Variants in SORCS2 observed in about 807,000 individuals in gnomAD.
SORCS2 encodes the protein VPS10 domain-containing receptor SorCS2.
SORCS2 carries 100 observed loss-of-function variants against 141.6 expected under a neutral mutation model. That is an observed-to-expected ratio of 0.71 (90% CI 0.60 to 0.83). The LOEUF (loss-of-function observed/expected upper bound fraction) is 0.83. Among genes scored for constraint, SORCS2 ranks in the 40% least tolerant of loss-of-function variants. SORCS2 has a pLI of 0.00. For missense variants in SORCS2, 1,646 were observed against 1,560.2 expected (o/e 1.05, Z -0.93); for synonymous variants, 789 against 676.9 (o/e 1.17, Z -2.57).
At chr4:7,731,839 A>G (rs1274431983) in intron 23 of SORCS2, among the ~76,000 whole-genome samples, 1 of 152,246 alleles carries the variant, frequency 6.6e-6, no homozygotes, top group Non-Finnish European at 1.5e-5. Context: ...TAAGACCTGA[A>G]TCTGTAAAAA....
chr4:7,417,459 A>G (rs1725773598), intron 2 of SORCS2, among the ~76,000 whole-genome samples: 1 of 152,186 alleles, frequency 6.6e-6, no homozygotes, highest in Non-Finnish European at 1.5e-5. Context: ...TGGGGGTAGA[A>G]GCTAGTGTTT....
In SORCS2 at chr4:7,215,786, C is replaced by T. The variant is rs781175831; in HGVS notation, c.480+22660C>T. ...GTGGGGTCTTGGAGAACCTGTGTGT[C>T]GAAACTGTGTATCTAACTAATCTGA... On this transcript the variant is annotated intron_variant, in intron 1 of 26. Coordinates refer to ENST00000507866, the MANE Select transcript of SORCS2 (RefSeq NM_020777.3). Among the ~76,000 whole-genome samples, 15 of 152,042 alleles carry T rather than the reference C, an allele frequency of 9.9e-5. No homozygotes were observed. The South Asian group carries it at 1.2e-3, about 13-fold the overall frequency.
chr4:7,734,455 C>T (rs1207565685), intron 25 of SORCS2, 81 bp downstream of exon 25: 2 of 981,638 alleles, frequency 2.0e-6, no homozygotes, highest in African/African-American at 1.7e-5. Flanking sequence ...TCAGGCAGAT[C>T]TAGAAAGGGC....
chr4:7,736,549 G>C (rs538977729), intron 25 of SORCS2, among the ~76,000 whole-genome samples: 4 of 152,174 alleles, frequency 2.6e-5, no homozygotes, highest in African/African-American at 9.7e-5. Context: ...GGCGGGTCCT[G>C]AGCCGGGTCC....
chr4:7,555,098 G>A (rs552276438), intron 3 of SORCS2, among the ~76,000 whole-genome samples: 3 of 152,304 alleles, frequency 2.0e-5, no homozygotes, highest in Admixed American at 6.5e-5. Flanking sequence ...TCTGGATACT[G>A]GAGTTCAGGT....
chr4:7,709,781 C>G (rs1725704568), intron 14 of SORCS2, among the ~76,000 whole-genome samples: 1 of 152,220 alleles, frequency 6.6e-6, no homozygotes, highest in Admixed American at 6.5e-5. Flanking sequence ...GGACACTTTC[C>G]TGGCACCAGT....
chr4:7,618,593 A>C (rs1252486210), intron 3 of SORCS2, among the ~76,000 whole-genome samples: 1 of 151,978 alleles, frequency 6.6e-6, no homozygotes, highest in African/African-American at 2.4e-5. Flanking sequence ...GGTTTCTCCA[A>C]ACGCCAAGTT....
chr4:7,296,338 C>A (rs1012663519), intron 1 of SORCS2, among the ~76,000 whole-genome samples: 1 of 152,214 alleles, frequency 6.6e-6, no homozygotes, highest in African/African-American at 2.4e-5. Flanking sequence ...CTCGTGTTAG[C>A]GGGCAGGCTC....
chr4:7,543,471 C>G (rs142576064), intron 3 of SORCS2, among the ~76,000 whole-genome samples: 6 of 136,620 alleles, frequency 4.4e-5, no homozygotes, highest in Non-Finnish European at 6.4e-5. Context: ...ATCCACCCAC[C>G]CATCCATTCA....
Position 7,672,354 on chromosome 4 carries a change from G to A in SORCS2, c.1162-3696G>A, listed in dbSNP as rs190859714. On this transcript the variant is annotated intron_variant, in intron 8 of 26. Transcript: ENST00000507866. ...CAACAGATGTCTCATCAGGAACCCCGGAGTTCAGAAGGCAGCGAGCTGATA... is the reference window on the plus strand; with the variant it reads ...CAACAGATGTCTCATCAGGAACCCCAGAGTTCAGAAGGCAGCGAGCTGATA... 4.7e-3 allele frequency among the ~76,000 whole-genome samples: 711 copies of A among 152,246 alleles called. 7 individuals are homozygous for A. Among genetic ancestry groups the A allele is most frequent in the Non-Finnish European group, 7.5e-3 (508 of 68,026 alleles).
intron 1 of SORCS2, among the ~76,000 whole-genome samples, chr4:7,325,548 G>C (rs868675333): frequency 6.6e-6 from 1 of 152,190 alleles, no homozygotes; most frequent in Non-Finnish European, 1.5e-5. Context: ...CACCCTAAGG[G>C]CCTAAATGGG....
chr4:7,632,392 C>A (rs1188215537), intron 3 of SORCS2, among the ~76,000 whole-genome samples: 1 of 152,170 alleles, frequency 6.6e-6, no homozygotes, highest in Non-Finnish European at 1.5e-5. Flanking sequence ...GGCTGCTGCC[C>A]AATTTGGAGG....
At chr4:7,307,432 T>G (rs1717904155) in intron 1 of SORCS2, among the ~76,000 whole-genome samples, 2 of 152,162 alleles carry the variant, frequency 1.3e-5, no homozygotes, top group African/African-American at 4.8e-5. Context: ...CAGGCCAGGG[T>G]CCACAGGGGA....
chr4:7,652,088 C>T (rs999343688), intron 4 of SORCS2, among the ~76,000 whole-genome samples: 1 of 152,134 alleles, frequency 6.6e-6, no homozygotes, highest in African/African-American at 2.4e-5. Context: ...GAAGTCCCAC[C>T]CCCTGGCATG....
At chr4:7,718,293 G>A in intron 18 of SORCS2, 110 bp downstream of exon 18, 1 of 1,279,086 alleles carries the variant, frequency 7.8e-7, no homozygotes, top group Non-Finnish European at 1.1e-6. Context: ...AGTGGCTCAG[G>A]GCATCGTCAT....
At chr4:7,626,610 C>G (rs142666694) in intron 3 of SORCS2, among the ~76,000 whole-genome samples, 8 of 152,296 alleles carry the variant, frequency 5.3e-5, no homozygotes, top group Non-Finnish European at 1.0e-4. Context: ...TATGTGTGTA[C>G]GTATTTATGT....
At chr4:7,566,856 A>T (rs1715053807) in intron 3 of SORCS2, among the ~76,000 whole-genome samples, 1 of 150,636 alleles carries the variant, frequency 6.6e-6, no homozygotes, top group Non-Finnish European at 1.5e-5. Flanking sequence ...ACCTTAGTGG[A>T]TGCTGGGAAA....
In SORCS2 at chr4:7,531,745, T is replaced by C. The variant is rs1013354298; in HGVS notation, c.648+116T>C. 5.0e-5 allele frequency: 51 copies of C among 1,014,176 alleles called. No homozygotes were observed. In the African/African-American group the frequency reaches 6.5e-4, roughly 13 times the overall value. The allele number at this position is 1,014,176 out of a possible 1,614,324, so 62.8% of individuals were successfully genotyped here. A position where few individuals can be genotyped will look rare whatever the true frequency, so the allele number is the denominator to read the frequency against. ...TCTCCTACTTTGGCCCAGGCCGGAG[T>C]GTGAGATGTTTCCCTCCCAGCTCTC... is the stretch of plus-strand genomic sequence containing the variant. On this transcript the variant is annotated intron_variant, in intron 3 of 26. Transcript: ENST00000507866.
At chr4:7,324,502 C>A (rs144200426) in intron 1 of SORCS2, among the ~76,000 whole-genome samples, 13 of 152,206 alleles carry the variant, frequency 8.5e-5, no homozygotes, top group Admixed American at 7.9e-4. Context: ...GGGAACTGCG[C>A]GGGGTTAGTC....
Sources: allele counts gnomAD v4.1 joint callset (sites outside exome capture counted in the v4.1 genomes callset), GRCh38; gene constraint gnomAD v4.1.1; transcripts MANE v1.5; gene names NCBI Gene and HGNC (gene_info 2026-07-23, HGNC 2026-07-21).